GPR149: variants seen among roughly 807,000 people sequenced by gnomAD.
The protein encoded by GPR149 is probable G protein-coupled receptor 149.
In GPR149, 50 loss-of-function variants were observed where a neutral mutation model predicts 50.2. The ratio of observed to expected loss-of-function variants is 1.00; its 90% confidence interval spans 0.79 to 1.26. The LOEUF is 1.26. Ranked by LOEUF, GPR149 falls within the 50% of genes most tolerant of loss-of-function variation. The pLI is 0.00. For missense variants in GPR149, 983 were observed against 895.4 expected, an observed-to-expected ratio of 1.10 and a Z score of -1.25; for synonymous variants, 405 against 358.2, an observed-to-expected ratio of 1.13 and a Z score of -1.48.
At chr3:154,410,510 C>T (rs887954970) in intron 3 of GPR149, among the ~76,000 whole-genome samples, 4 of 151,584 alleles carry the variant, frequency 2.6e-5, no homozygotes, top group Non-Finnish European at 5.9e-5. Context: ...TAAGGATTCA[C>T]ATGGACACCA....
At chr3:154,418,423 C>A (rs1050527335) in intron 3 of GPR149, among the ~76,000 whole-genome samples, 8 of 109,336 alleles carry the variant, frequency 7.3e-5, no homozygotes, top group Admixed American at 7.2e-4. Flanking sequence ...CCCAAATGCC[C>A]AACAATGATA....
Position 154,337,661 on chromosome 3 carries a change from TG to T in GPR149, c.*37del. On this transcript the variant is annotated 3_prime_UTR_variant, in exon 4 of 4. Transcript: ENST00000389740. ...AAGGTGTTAGTTTCACAGTTGACGT[TG>T]CAGATCCATTCTTGCTCCTGTTAGA... is the stretch of plus-strand genomic sequence containing the variant. 1 of 1,421,544 alleles carries T rather than the reference TG, an allele frequency of 7.0e-7. No homozygotes were observed. The highest frequency in any genetic ancestry group is 1.4e-5 in the South Asian group (1 of 70,948). The allele number at this position is 1,421,544 out of a possible 1,614,324, so 88.1% of individuals were successfully genotyped here.
intron 3 of GPR149, among the ~76,000 whole-genome samples, chr3:154,351,002 C>A (rs1714063886): frequency 6.6e-6 from 1 of 152,028 alleles, no homozygotes; most frequent in Non-Finnish European, 1.5e-5. Flanking sequence ...GTGTTTAGTA[C>A]AGGCATAATT....
chr3:154,341,838 T>C (rs1171668172), intron 3 of GPR149, among the ~76,000 whole-genome samples: 1 of 152,122 alleles, frequency 6.6e-6, no homozygotes, highest in Non-Finnish European at 1.5e-5. Flanking sequence ...ATACAGGGTG[T>C]TCATTGCAAG....
intron 3 of GPR149, among the ~76,000 whole-genome samples, chr3:154,417,035 A>G (rs922500564): frequency 6.6e-6 from 1 of 151,956 alleles, no homozygotes; most frequent in Non-Finnish European, 1.5e-5. Context: ...GAGAAAATAG[A>G]GTGATCACCC....
intron 3 of GPR149, among the ~76,000 whole-genome samples, chr3:154,420,261 T>C (rs1407553604): frequency 1.3e-5 from 2 of 151,906 alleles, no homozygotes; most frequent in Non-Finnish European, 2.9e-5. Context: ...AAATCAATAG[T>C]GTGGAAAGCA....
rs529650562 is a variant in GPR149 at position 154,340,081 on chromosome 3, C to T, written c.1624-1810G>A. 2.2e-4 allele frequency among the ~76,000 whole-genome samples: 33 copies of T among 152,090 alleles called. No homozygotes were observed. In the East Asian group the frequency reaches 3.5e-3, roughly 16 times the overall value. On this transcript the variant is annotated intron_variant, in intron 3 of 3. Coordinates refer to ENST00000389740, the MANE Select transcript of GPR149 (RefSeq NM_001038705.3). ...TGCTGGGATTACAGGCATGAGCCAC[C>T]GTGCCCGGCCCACGCTCTACTTCTT... is the stretch of plus-strand genomic sequence containing the variant.
rs150125655 is a variant in GPR149, at chr3:154,354,385, G to T, written c.1624-16114C>A. 1,898 of 200,038 alleles carry T rather than the reference G, an allele frequency of 9.5e-3. 12 individuals carry two copies. The highest frequency in any genetic ancestry group is 0.054 in the Middle Eastern group (27 of 500). The allele number at this position is 200,038 out of a possible 1,614,324, so 12.4% of individuals were successfully genotyped here. ...GTGATAAGGTCAGGGGGTAGATTCT[G>T]CTTTCTAAGGCTATACAAAATAAGT... On this transcript the variant is annotated intron_variant, in intron 3 of 3. Coordinates refer to ENST00000389740, the MANE Select transcript of GPR149 (RefSeq NM_001038705.3).
At chr3:154,425,803 G>T (rs917789112) in intron 2 of GPR149, among the ~76,000 whole-genome samples, 1 of 152,078 alleles carries the variant, frequency 6.6e-6, no homozygotes, top group African/African-American at 2.4e-5. Flanking sequence ...CTAGCCTGCC[G>T]TAAGACTCTT....
At chr3:154,373,931 A>T (rs1015502024) in intron 3 of GPR149, among the ~76,000 whole-genome samples, 6 of 152,202 alleles carry the variant, frequency 3.9e-5, no homozygotes, top group African/African-American at 7.2e-5. Context: ...CAATTAATGG[A>T]TGAAAGCAAA....
intron 3 of GPR149, among the ~76,000 whole-genome samples, chr3:154,359,075 C>T (rs190455856): frequency 1.0e-3 from 156 of 151,996 alleles, no homozygotes; most frequent in Non-Finnish European, 1.8e-3. Flanking sequence ...AGAGCCTATA[C>T]GGGTAGTATG....
intron 3 of GPR149, among the ~76,000 whole-genome samples, chr3:154,415,587 G>A (rs1205557157): frequency 1.3e-5 from 2 of 151,896 alleles, no homozygotes; most frequent in Non-Finnish European, 2.9e-5. Context: ...GAAAAGCAGA[G>A]CGCATGCAGT....
At chr3:154,408,668 G>A (rs1711758060) in intron 3 of GPR149, among the ~76,000 whole-genome samples, 1 of 152,198 alleles carries the variant, frequency 6.6e-6, no homozygotes, top group African/African-American at 2.4e-5. Context: ...CCCCACAGCA[G>A]CTACAGCAAG....
chr3:154,348,921 A>G (rs1390062108), intron 3 of GPR149, among the ~76,000 whole-genome samples: 1 of 152,176 alleles, frequency 6.6e-6, no homozygotes, highest in Admixed American at 6.5e-5. Flanking sequence ...ACACAATTAA[A>G]CAGTATGTTC....
At chr3:154,375,453 G>A (rs1379651605) in intron 3 of GPR149, among the ~76,000 whole-genome samples, 1 of 152,074 alleles carries the variant, frequency 6.6e-6, no homozygotes, top group Non-Finnish European at 1.5e-5. Flanking sequence ...TCAAATTGAA[G>A]CTAAAACATT....
intron 3 of GPR149, among the ~76,000 whole-genome samples, chr3:154,402,043 A>C (rs1181293411): frequency 6.6e-6 from 1 of 152,206 alleles, no homozygotes; most frequent in Non-Finnish European, 1.5e-5. Flanking sequence ...TTTGTAAATG[A>C]ATCTTAAAGC....
At position 154,336,171 on chromosome 3, in the gene GPR149, T is replaced by C. The variant is rs1713653085; in HGVS notation, c.*1528A>G. 1 of 152,100 alleles carries C rather than the reference T, an allele frequency of 6.6e-6. No homozygotes were observed. Among genetic ancestry groups the C allele is most frequent in the Non-Finnish European group, 1.5e-5 (1 of 67,938 alleles). The allele number at this position is 152,100 out of a possible 1,614,324, so 9.4% of individuals were successfully genotyped here. On this transcript the variant is annotated 3_prime_UTR_variant, in exon 4 of 4. Transcript: ENST00000389740. ...ACATTATTAGTGGTAATACATATGT[T>C]TCCCAAATTTAGATAACTAGATATT...
intron 3 of GPR149, among the ~76,000 whole-genome samples, chr3:154,351,345 A>AAAAAT (rs1714078138): frequency 1.2e-5 from 1 of 86,780 alleles, no homozygotes; most frequent in Non-Finnish European, 2.3e-5. Flanking sequence ...AAAAAAAAAA[A>AAAAAT]TAACCAGCTA....
intron 3 of GPR149, among the ~76,000 whole-genome samples, chr3:154,370,114 G>A (rs906558297): frequency 3.9e-5 from 6 of 152,130 alleles, no homozygotes; most frequent in East Asian, 3.9e-4. Context: ...AAACCCCTCC[G>A]CTTTTCTAGA....
Sources: allele counts gnomAD v4.1 joint callset (sites outside exome capture counted in the v4.1 genomes callset), GRCh38; gene constraint gnomAD v4.1.1; transcripts MANE v1.5; gene names NCBI Gene and HGNC (gene_info 2026-07-23, HGNC 2026-07-21).